DNAH7: variants seen among roughly 807,000 people sequenced by gnomAD.
The protein encoded by DNAH7 is axonemal beta dynein heavy chain 7.
In DNAH7, 397 loss-of-function variants were observed where a neutral mutation model predicts 444.6. The ratio of observed to expected loss-of-function variants is 0.89; its 90% confidence interval spans 0.82 to 0.97. The LOEUF is 0.97. Among genes scored for constraint, DNAH7 ranks in the 50% least tolerant of loss-of-function variants. The probability of loss-of-function intolerance (pLI) is 0.00; values close to 1 mark genes in which losing one functional copy is unlikely to be tolerated. For missense variants in DNAH7, 4,902 were observed against 4,800.8 expected (o/e 1.02, Z -0.62); for synonymous variants, 1,636 against 1,624.4 (o/e 1.01, Z -0.17).
chr2:196,023,639 A>T (rs2125768086), intron 8 of DNAH7, among the ~76,000 whole-genome samples: 1 of 152,272 alleles, frequency 6.6e-6, no homozygotes, highest in Non-Finnish European at 1.5e-5. Context: ...CTTCCAGACC[A>T]CTTCCTCCAT....
intron 19 of DNAH7, among the ~76,000 whole-genome samples, chr2:195,954,628 G>C (rs944290969): frequency 6.6e-6 from 1 of 152,176 alleles, no homozygotes; most frequent in African/African-American, 2.4e-5. Context: ...GGTTGAACTA[G>C]TTCACAGTCC....
chr2:195,850,591 G>T (rs1040772683), intron 46 of DNAH7, among the ~76,000 whole-genome samples: 10 of 152,188 alleles, frequency 6.6e-5, no homozygotes, highest in African/African-American at 2.2e-4. Context: ...CTATAAAAGA[G>T]TTGATAAATA....
At chr2:195,967,093 TCTTA>T (rs1218583100) in intron 17 of DNAH7, among the ~76,000 whole-genome samples, 9 of 152,148 alleles carry the variant, frequency 5.9e-5, no homozygotes, top group African/African-American at 1.7e-4. Flanking sequence ...TGTTTTAATT[TCTTA>T]CTTTTCATTT....
At chr2:195,837,835 C>A (rs1324886300) in intron 47 of DNAH7, among the ~76,000 whole-genome samples, 1 of 152,024 alleles carries the variant, frequency 6.6e-6, no homozygotes, top group African/African-American at 2.4e-5. Flanking sequence ...TAAGGGAAAT[C>A]CAAGTATTTT....
chr2:195,853,341 A>C lies in DNAH7; in HGVS notation c.8781+2T>G. ...AGGAAGAGATGGAATAGTGTCCCTTACCTGTCTATAGGTGGATGTGAAGGC... is the reference window on the plus strand; with the variant it reads ...AGGAAGAGATGGAATAGTGTCCCTTCCCTGTCTATAGGTGGATGTGAAGGC... On this transcript the variant is annotated splice_donor_variant, in intron 46 of 64. Transcript: ENST00000312428. LOFTEE classifies it high-confidence loss of function. 1 of 1,612,762 alleles carries C rather than the reference A, an allele frequency of 6.2e-7. No homozygotes were observed. Among genetic ancestry groups the C allele is most frequent in the Non-Finnish European group, 8.5e-7 (1 of 1,179,344 alleles).
chr2:195,774,778 C>T (rs1461038004), intron 60 of DNAH7, among the ~76,000 whole-genome samples: 2 of 152,184 alleles, frequency 1.3e-5, no homozygotes, highest in East Asian at 1.9e-4. Flanking sequence ...AGCACTAGTA[C>T]AGAGTAAGCA....
At chr2:195,747,156 AT>A (rs1343798414) in intron 63 of DNAH7, among the ~76,000 whole-genome samples, 20 of 151,972 alleles carry the variant, frequency 1.3e-4, no homozygotes, top group African/African-American at 4.8e-4. Flanking sequence ...ATAAAAAATG[AT>A]AAAGGGGATA....
chr2:195,787,117 C>T lies in DNAH7; in HGVS notation c.10771G>A (p.Glu3591Lys). Residue 3591 changes from glutamate (E) to lysine (K), a missense_variant, in exon 58 of 65, where the codon GAA (glutamate) becomes AAA (lysine). Glu to Lys is a moderately conservative substitution (Grantham distance 56). Coordinates refer to ENST00000312428, the MANE Select transcript of DNAH7 (RefSeq NM_018897.3). Reference sequence around the variant, plus strand: ...CCTAGGGGTCCAAATTTCCGTCTTTCTTGTACCAAAGCATGAAAGAAACAC... The same window carrying T: ...CCTAGGGGTCCAAATTTCCGTCTTTTTTGTACCAAAGCATGAAAGAAACAC... The part of the protein sequence containing the change: ...GLCFFHALVQ[E>K]RRKFGPLGWN... 6.2e-7 allele frequency: 1 copy of T among 1,611,318 alleles called. No individual in the cohort carries two copies. The highest frequency in any genetic ancestry group is 8.5e-7 in the Non-Finnish European group (1 of 1,179,286).
intron 60 of DNAH7, among the ~76,000 whole-genome samples, chr2:195,772,137 G>A (rs531703002): frequency 6.6e-6 from 1 of 152,328 alleles, no homozygotes; most frequent in Admixed American, 6.5e-5. Context: ...AGGATCTGGA[G>A]AAAGCAAATA....
At position 196,034,216 on chromosome 2, in the gene DNAH7, G is replaced by A. The variant is rs116355677; in HGVS notation, c.399-6169C>T. On this transcript the variant is annotated intron_variant, in intron 5 of 64. Coordinates refer to ENST00000312428, the MANE Select transcript of DNAH7 (RefSeq NM_018897.3). ...GTTTAGTAAGGTCTCAAAAACATAA[G>A]GTCAACAAGCAAAAATCAATTGATT... is the stretch of plus-strand genomic sequence containing the variant. Among the ~76,000 whole-genome samples the A allele has an allele frequency of 5.4e-3, 826 of 152,004 alleles. 3 individuals are homozygous for A. Among genetic ancestry groups the A allele is most frequent in the Non-Finnish European group, 7.3e-3 (493 of 67,930 alleles).
At chr2:195,746,035 A>T (rs1369906469) in intron 63 of DNAH7, among the ~76,000 whole-genome samples, 2 of 152,216 alleles carry the variant, frequency 1.3e-5, no homozygotes, top group Non-Finnish European at 2.9e-5. Context: ...AAATGCTCCA[A>T]TTAAAAGACA....
Position 195,775,832 on chromosome 2 carries a change from T to C in DNAH7, c.11202+14A>G. On this transcript the variant is annotated intron_variant, in intron 60 of 64. Transcript: ENST00000312428. The stretch of plus-strand genomic sequence containing the variant: ...CCCAGGCCTCAGAATCCAGGTCCTA[T>C]ACAGATCACACACCTGTGTAAGAAG... 6.2e-7 allele frequency: 1 copy of C among 1,613,212 alleles called. No homozygotes were observed. The highest frequency in any genetic ancestry group is 1.7e-4 in the Middle Eastern group (1 of 6,004).
chr2:195,807,890 C>T (rs1478135044), intron 53 of DNAH7, among the ~76,000 whole-genome samples: 4 of 152,134 alleles, frequency 2.6e-5, no homozygotes, highest in Admixed American at 2.6e-4. Context: ...AGATCACTTC[C>T]AAATATTTGA....
intron 54 of DNAH7, among the ~76,000 whole-genome samples, chr2:195,800,073 G>T (rs1173509973): frequency 1.3e-5 from 2 of 152,222 alleles, no homozygotes; most frequent in East Asian, 3.9e-4. Flanking sequence ...TTGATTTGGG[G>T]GTGGAATTGC....
chr2:195,871,488 T>A lies in DNAH7; in HGVS notation c.6633+762A>T, dbSNP rs564922684. Among the ~76,000 whole-genome samples, 30 of 152,088 alleles carry A rather than the reference T, an allele frequency of 2.0e-4. 1 individual carries two copies. The highest frequency in any genetic ancestry group is 1.9e-3 in the Admixed American group (29 of 15,264). On this transcript the variant is annotated intron_variant, in intron 40 of 64. Transcript: ENST00000312428. ...TCTTATAAGAAAATGCTCATCCACA[T>A]ACCTATTCCCAAGAGAGCTTAAATA... is the stretch of plus-strand genomic sequence containing the variant.
At chr2:195,783,331 G>C (rs1204591023) in intron 58 of DNAH7, among the ~76,000 whole-genome samples, 1 of 152,164 alleles carries the variant, frequency 6.6e-6, no homozygotes, top group African/African-American at 2.4e-5. Flanking sequence ...GGCTTAAAAT[G>C]ATAGAAATTT....
At chr2:195,988,312 C>T (rs900293122) in intron 12 of DNAH7, 83 bp from the exon 13 acceptor site, 2 of 1,212,924 alleles carry the variant, frequency 1.6e-6, no homozygotes, top group Non-Finnish European at 2.2e-6. Flanking sequence ...GCCAATCTTA[C>T]AATGTTTCTT....
At chr2:196,027,881 A>G in intron 6 of DNAH7, 79 bp downstream of exon 6, 1 of 1,278,448 alleles carries the variant, frequency 7.8e-7, no homozygotes, top group South Asian at 1.4e-5. Context: ...AGAAGCACAG[A>G]GTGGTCTCCA....
chr2:196,009,722 C>T (rs1456507723), intron 10 of DNAH7, among the ~76,000 whole-genome samples: 1 of 152,096 alleles, frequency 6.6e-6, no homozygotes, highest in African/African-American at 2.4e-5. Flanking sequence ...AGTAGAGAGA[C>T]AACCTACAGA....
Sources: gnomAD v4.1 joint callset for allele counts (sites outside exome capture counted in the v4.1 genomes callset) on GRCh38, gnomAD v4.1.1 for gene constraint, MANE v1.5 for transcripts, NCBI Gene and HGNC (gene_info 2026-07-23, HGNC 2026-07-21) for gene names.